The following CNTLN variants were observed in gnomAD, a reference collection of about 807,000 sequenced individuals.
CNTLN encodes the protein centlein, centrosomal protein.
CNTLN carries 212 observed loss-of-function variants against 180.0 expected under a neutral mutation model. The ratio of observed to expected loss-of-function variants is 1.18; its 90% confidence interval spans 1.05 to 1.32. The LOEUF (loss-of-function observed/expected upper bound fraction) is 1.32, where lower values mean the gene tolerates loss of function less well. CNTLN is among the 40% of genes most tolerant of loss of function. CNTLN has a pLI of 0.00. For missense variants in CNTLN, 2,095 were observed against 1,610.9 expected, an observed-to-expected ratio of 1.30 and a Z score of -5.14; for synonymous variants, 722 against 563.1, an observed-to-expected ratio of 1.28 and a Z score of -3.99.
chr9:17,490,748 A>G (rs926503418), intron 25 of CNTLN, among the ~76,000 whole-genome samples: 2 of 152,100 alleles, frequency 1.3e-5, no homozygotes, highest in Admixed American at 6.6e-5. Flanking sequence ...CACTTAAAAC[A>G]GTTAACTCCT....
At position 17,161,642 on chromosome 9, in the gene CNTLN, G is replaced by A. The variant is rs962265588; in HGVS notation, c.449+18266G>A. Among the ~76,000 whole-genome samples, 5 of 152,138 alleles carry A rather than the reference G, an allele frequency of 3.3e-5. 1 individual carries two copies. Among genetic ancestry groups the A allele is most frequent in the South Asian group, 2.1e-4 (1 of 4,828 alleles). Reference sequence around the variant, plus strand: ...CTTTAAAAATTAGTATTAGTAATACGTTATTTTTTCCATAAAGAACTTTGA... The same window carrying A: ...CTTTAAAAATTAGTATTAGTAATACATTATTTTTTCCATAAAGAACTTTGA... On this transcript the variant is annotated intron_variant, in intron 2 of 25. Transcript: ENST00000380647.
chr9:17,518,834 C>T, the CNTLN span, among the ~76,000 whole-genome samples: 1 of 152,156 alleles, frequency 6.6e-6, no homozygotes, highest in Non-Finnish European at 1.5e-5. Context: ...GCTGGGACCC[C>T]AAGTGAGAGT....
intron 8 of CNTLN, among the ~76,000 whole-genome samples, chr9:17,311,021 T>G (rs1363812708): frequency 6.6e-6 from 1 of 152,104 alleles, no homozygotes; most frequent in Non-Finnish European, 1.5e-5. Context: ...GAACAGAAAT[T>G]AAATTACTTC....
At chr9:17,320,368 A>G (rs1178958739) in intron 8 of CNTLN, among the ~76,000 whole-genome samples, 4 of 147,992 alleles carry the variant, frequency 2.7e-5, no homozygotes, top group African/African-American at 1.0e-4. Flanking sequence ...GATTATATCT[A>G]TGTACTCTTT....
chr9:17,401,033 G>C (rs1439677850), intron 15 of CNTLN, among the ~76,000 whole-genome samples: 1 of 152,104 alleles, frequency 6.6e-6, no homozygotes, highest in Non-Finnish European at 1.5e-5. Context: ...CCTCATTGAA[G>C]TCCTGATTCT....
intron 16 of CNTLN, 70 bp downstream of exon 16, chr9:17,409,543 A>T: frequency 8.9e-7 from 1 of 1,128,644 alleles, no homozygotes; most frequent in Non-Finnish European, 1.2e-6. Context: ...TAACTTAAGT[A>T]AATAAATGTT....
At chr9:17,391,043 T>G (rs149580354) in intron 14 of CNTLN, among the ~76,000 whole-genome samples, 58 of 152,280 alleles carry the variant, frequency 3.8e-4, no homozygotes, top group African/African-American at 1.3e-3. Context: ...AATCAAAGTT[T>G]TATGTGCCAC....
At chr9:17,512,496 A>G in the CNTLN span, among the ~76,000 whole-genome samples, 1 of 152,208 alleles carries the variant, frequency 6.6e-6, no homozygotes, top group Non-Finnish European at 1.5e-5. Context: ...AGATGGAAAC[A>G]GTCGACTACA....
At chr9:17,504,642 G>A (rs1482992663), downstream of CNTLN, among the ~76,000 whole-genome samples, 2 of 152,212 alleles carry the variant, frequency 1.3e-5, no homozygotes, top group Non-Finnish European at 2.9e-5. Context: ...TCTTATGAGA[G>A]GGAGGTAGGA....
chr9:17,179,706 C>A (rs1054575560), intron 2 of CNTLN, among the ~76,000 whole-genome samples: 1 of 152,120 alleles, frequency 6.6e-6, no homozygotes, highest in South Asian at 2.1e-4. Flanking sequence ...TTGCTGAGCT[C>A]TTCTGTACCT....
At chr9:17,482,793 C>T (rs979899013) in intron 23 of CNTLN, among the ~76,000 whole-genome samples, 9 of 152,058 alleles carry the variant, frequency 5.9e-5, no homozygotes, top group Admixed American at 2.0e-4. Flanking sequence ...CACTGACAAA[C>T]ATTTATGAAA....
intron 7 of CNTLN, among the ~76,000 whole-genome samples, chr9:17,306,308 C>A (rs1381999899): frequency 1.3e-5 from 2 of 152,056 alleles, no homozygotes; most frequent in East Asian, 3.9e-4. Context: ...TGCCACCATG[C>A]CCAGCTAATT....
At chr9:17,174,761 A>G (rs1051753094) in intron 2 of CNTLN, among the ~76,000 whole-genome samples, 1 of 151,456 alleles carries the variant, frequency 6.6e-6, no homozygotes, top group African/African-American at 2.4e-5. Flanking sequence ...ACCATTTTAC[A>G]TTTTATCCAG....
intron 13 of CNTLN, among the ~76,000 whole-genome samples, chr9:17,383,411 C>T (rs1825417164): frequency 2.6e-5 from 4 of 151,392 alleles, no homozygotes; most frequent in Admixed American, 2.0e-4. Context: ...CTACTTGGGT[C>T]GCTGAGGCTG....
At chr9:17,269,037 C>G (rs10962986) in intron 5 of CNTLN, among the ~76,000 whole-genome samples, 1 of 151,800 alleles carries the variant, frequency 6.6e-6, no homozygotes, top group Non-Finnish European at 1.5e-5. Flanking sequence ...GTGCGCTGCA[C>G]CCACTGTCCT....
intron 2 of CNTLN, among the ~76,000 whole-genome samples, chr9:17,187,145 G>C (rs1821480086): frequency 6.6e-6 from 1 of 152,016 alleles, no homozygotes; most frequent in African/African-American, 2.4e-5. Flanking sequence ...TTTGAATTTT[G>C]GCTTTGTTAC....
chr9:17,173,928 A>G (rs967783493), intron 2 of CNTLN, among the ~76,000 whole-genome samples: 1 of 152,186 alleles, frequency 6.6e-6, no homozygotes, highest in Non-Finnish European at 1.5e-5. Flanking sequence ...TATACAGTCA[A>G]TGCAGAACAA....
intron 15 of CNTLN, among the ~76,000 whole-genome samples, chr9:17,403,613 T>C (rs958673010): frequency 2.0e-5 from 3 of 151,504 alleles, no homozygotes; most frequent in African/African-American, 7.3e-5. Context: ...TTACCAATAT[T>C]ACCATTCTTA....
chr9:17,514,164 A>AAAG, the CNTLN span, among the ~76,000 whole-genome samples: 1 of 148,800 alleles, frequency 6.7e-6, no homozygotes, highest in Non-Finnish European at 1.5e-5. Context: ...AAAAAAAAAA[A>AAAG]CTGGGCGTAA....
Sources: allele counts gnomAD v4.1 joint callset (sites outside exome capture counted in the v4.1 genomes callset), GRCh38; gene constraint gnomAD v4.1.1; transcripts MANE v1.5; gene names NCBI Gene and HGNC (gene_info 2026-07-23, HGNC 2026-07-21).